The following KCNMA1 variants were observed in gnomAD, a reference collection of about 807,000 sequenced individuals.
KCNMA1 encodes the protein potassium calcium-activated channel subfamily M alpha 1.
In KCNMA1, 29 loss-of-function variants were observed where a neutral mutation model predicts 140.0. The ratio of observed to expected loss-of-function variants is 0.21; its 90% CI spans 0.15 to 0.28. KCNMA1 has a LOEUF of 0.28. KCNMA1 is among the 10% of genes least tolerant of loss of function. The pLI is 1.00. For synonymous variants in KCNMA1, 612 were observed against 611.9 expected, an observed-to-expected ratio of 1.00 and a Z score of 0.00; for missense variants, 880 against 1,602.2, an observed-to-expected ratio of 0.55 and a Z score of 7.70.
chr10:77,328,814 A>C (rs2085197178), intron 2 of KCNMA1, among the ~76,000 whole-genome samples: 1 of 152,122 alleles, frequency 6.6e-6, no homozygotes, highest in South Asian at 2.1e-4. Context: ...GAATAAATAT[A>C]TATCTATATT....
chr10:77,354,799 G>C (rs1603357969), intron 2 of KCNMA1, among the ~76,000 whole-genome samples: 1 of 152,222 alleles, frequency 6.6e-6, no homozygotes, highest in African/African-American at 2.4e-5. Flanking sequence ...GAAAGGCCTA[G>C]AATTTGAGTT....
intron 19 of KCNMA1, among the ~76,000 whole-genome samples, chr10:76,978,893 A>G (rs2153224708): frequency 6.6e-6 from 1 of 152,348 alleles, no homozygotes; most frequent in South Asian, 2.1e-4. Context: ...TCTTCACTTA[A>G]AATTATGACA....
chr10:76,953,358 A>T (rs1591785964), intron 21 of KCNMA1, among the ~76,000 whole-genome samples: 2 of 152,316 alleles, frequency 1.3e-5, no homozygotes, highest in Admixed American at 6.5e-5. Context: ...TTACTGAGTC[A>T]TCTGTTGGAT....
At chr10:77,030,640 T>C (rs186701167) in intron 15 of KCNMA1, among the ~76,000 whole-genome samples, 3 of 152,176 alleles carry the variant, frequency 2.0e-5, no homozygotes, top group Non-Finnish European at 2.9e-5. Context: ...TTCGTAGTAA[T>C]GGTGAATTAT....
intron 1 of KCNMA1, among the ~76,000 whole-genome samples, chr10:77,466,690 A>G (rs1357413606): frequency 6.6e-6 from 1 of 152,216 alleles, no homozygotes; most frequent in African/African-American, 2.4e-5. Flanking sequence ...ATGTAGCTCT[A>G]GTGAGAGAGT....
intron 14 of KCNMA1, among the ~76,000 whole-genome samples, chr10:77,059,282 A>G (rs1229362637): frequency 6.6e-6 from 1 of 151,152 alleles, no homozygotes; most frequent in Non-Finnish European, 1.5e-5. Flanking sequence ...CTAAATATTT[A>G]AAGAAAAAAA....
At chr10:77,157,900 G>GTCC (rs1329235536) in intron 5 of KCNMA1, among the ~76,000 whole-genome samples, 1 of 152,134 alleles carries the variant, frequency 6.6e-6, no homozygotes, top group Non-Finnish European at 1.5e-5. Context: ...CCCTGACAAG[G>GTCC]TCCTCCTCCT....
At chr10:77,041,490 A>G (rs1359211412) in intron 14 of KCNMA1, among the ~76,000 whole-genome samples, 8 of 150,628 alleles carry the variant, frequency 5.3e-5, no homozygotes, top group African/African-American at 2.0e-4. Flanking sequence ...TGGTAGAGAC[A>G]GGGTTTCACC....
chr10:77,074,736 T>G (rs1234023561), intron 13 of KCNMA1, among the ~76,000 whole-genome samples: 2 of 152,228 alleles, frequency 1.3e-5, no homozygotes, highest in East Asian at 1.9e-4. Flanking sequence ...TCTTTGTCCC[T>G]AAGACTCAGT....
intron 2 of KCNMA1, among the ~76,000 whole-genome samples, chr10:77,342,550 C>T (rs1366869109): frequency 1.3e-5 from 2 of 152,220 alleles, no homozygotes; most frequent in Non-Finnish European, 2.9e-5. Flanking sequence ...GGAGTAAACA[C>T]TCCCATGAAG....
At chr10:76,957,765 AG>A (rs2068975309) in intron 20 of KCNMA1, among the ~76,000 whole-genome samples, 1 of 152,172 alleles carries the variant, frequency 6.6e-6, no homozygotes, top group African/African-American at 2.4e-5. Context: ...TGAAGATGAG[AG>A]GTAAGCAGCG....
intron 3 of KCNMA1, among the ~76,000 whole-genome samples, chr10:77,241,989 T>C (rs1470911500): frequency 1.3e-5 from 2 of 152,140 alleles, no homozygotes; most frequent in African/African-American, 4.8e-5. Flanking sequence ...CAAATGCTGG[T>C]CTTCAGGCCA....
intron 20 of KCNMA1, among the ~76,000 whole-genome samples, chr10:76,956,346 C>T (rs1290980464): frequency 6.6e-6 from 1 of 152,164 alleles, no homozygotes; most frequent in East Asian, 1.9e-4. Flanking sequence ...TGCAATGGAA[C>T]ATCCAGAGGC....
At chr10:77,533,886 A>C (rs1398493963) in intron 1 of KCNMA1, among the ~76,000 whole-genome samples, 1 of 152,202 alleles carries the variant, frequency 6.6e-6, no homozygotes, top group Non-Finnish European at 1.5e-5. Flanking sequence ...AAGCTCTAAA[A>C]GGTACTCATT....
At chr10:77,095,686 T>C (rs1369809) in intron 9 of KCNMA1, among the ~76,000 whole-genome samples, 3,431 of 152,332 alleles carry the variant, frequency 0.023, 61 homozygotes, top group South Asian at 0.052. Flanking sequence ...TCTCCTGCCA[T>C]TTAAGCATCG....
chr10:77,195,986 A>AT (rs1345092461), intron 3 of KCNMA1, among the ~76,000 whole-genome samples: 3 of 152,070 alleles, frequency 2.0e-5, no homozygotes, highest in African/African-American at 7.2e-5. Context: ...TTTCCACCAT[A>AT]TCAATGACAT....
At chr10:77,344,881 C>A (rs2091843727) in intron 2 of KCNMA1, among the ~76,000 whole-genome samples, 2 of 152,216 alleles carry the variant, frequency 1.3e-5, no homozygotes, top group South Asian at 2.1e-4. Context: ...CAACACCACA[C>A]CAATCAAGCA....
intron 6 of KCNMA1, among the ~76,000 whole-genome samples, chr10:77,117,627 T>G (rs1564636843): frequency 6.6e-6 from 1 of 150,518 alleles, no homozygotes; most frequent in Non-Finnish European, 1.5e-5. Context: ...TGGAAAAAAT[T>G]GCTGAGTGAT....
Position 76,963,503 on chromosome 10 carries a change from A to G in KCNMA1, c.2360+6471T>C, listed in dbSNP as rs1309047525. 2.0e-5 allele frequency among the ~76,000 whole-genome samples: 3 copies of G among 152,178 alleles called. No homozygotes were observed. In the East Asian group the frequency reaches 5.8e-4, roughly 29 times the overall value. On this transcript the variant is annotated intron_variant, in intron 20 of 27. Coordinates refer to ENST00000286628, the MANE Select transcript of KCNMA1 (RefSeq NM_001161352.2). ...AAGTTAGCAATTGTCAACAACACAC[A>G]GATTATAAGGCTGTAGTTCTATTCA...
Sources: allele counts gnomAD v4.1 joint callset (sites outside exome capture counted in the v4.1 genomes callset), GRCh38; gene constraint gnomAD v4.1.1; transcripts MANE v1.5; gene names NCBI Gene and HGNC (gene_info 2026-07-23, HGNC 2026-07-21).